Variants in RASEF observed in about 807,000 individuals in gnomAD.
RASEF encodes ras and EF-hand domain-containing protein.
In RASEF, 68 loss-of-function variants were observed where a neutral mutation model predicts 90.1. The observed-to-expected ratio is 0.75, with a 90% CI of 0.62 to 0.92. The LOEUF is 0.92. RASEF is among the 40% of genes least tolerant of loss of function. The pLI is 0.00. For missense variants in RASEF, 949 were observed against 937.2 expected (o/e 1.01, Z -0.16); for synonymous variants, 331 against 345.2 (o/e 0.96, Z 0.46).
the RASEF span, among the ~76,000 whole-genome samples, chr9:83,092,003 C>CTTTTTTTTTTTTTTTTTTTTTATTTT: frequency 2.8e-5 from 1 of 35,918 alleles, no homozygotes; most frequent in Non-Finnish European, 5.3e-5. Flanking sequence ...TCTTTTATTT[C>CTTTTTTTTTTTTTTTTTTTTTATTTT]TTTTTTTTTT....
the RASEF span, among the ~76,000 whole-genome samples, chr9:83,205,186 C>T: frequency 0.044 from 6,707 of 152,064 alleles, 466 homozygotes; most frequent in African/African-American, 0.15. Flanking sequence ...TTGCCTGAGG[C>T]CAAATACAGT....
the RASEF span, among the ~76,000 whole-genome samples, chr9:83,085,946 A>G: frequency 6.6e-6 from 1 of 152,132 alleles, no homozygotes; most frequent in South Asian, 2.1e-4. Context: ...AAAAATAAAA[A>G]TAAAAAAAGT....
rs143681342 is a variant in RASEF at position 83,009,902 on chromosome 9, A to G, written c.844-146T>C. ...TCAGTGTTCAAACAACTATTTGTCA[A>G]TTCAAGGTAATTTGAAATCAATATA... On this transcript the variant is annotated intron_variant, in intron 5 of 16. Transcript: ENST00000376447. 1,084 of 549,250 alleles carry G rather than the reference A, an allele frequency of 2.0e-3. 8 individuals carry two copies. Among genetic ancestry groups the G allele is most frequent in the African/African-American group, 0.018 (984 of 53,426 alleles). 34.0% of individuals were successfully genotyped at this position (549,250 alleles called of 1,614,324 possible).
the RASEF span, among the ~76,000 whole-genome samples, chr9:83,094,235 C>T: frequency 6.8e-6 from 1 of 146,726 alleles, no homozygotes; most frequent in East Asian, 1.9e-4. Flanking sequence ...GGATCTTGAT[C>T]ACTTGAAATA....
the RASEF span, among the ~76,000 whole-genome samples, chr9:83,164,999 A>G: frequency 6.6e-6 from 1 of 152,070 alleles, no homozygotes; most frequent in Non-Finnish European, 1.5e-5. Context: ...ATCAAAATAC[A>G]TAAGGCAAAA....
chr9:83,070,359 C>T, the RASEF span, among the ~76,000 whole-genome samples: 1 of 152,000 alleles, frequency 6.6e-6, no homozygotes, highest in African/African-American at 2.4e-5. Context: ...TCAGTTCTTC[C>T]AGTGTTATTT....
chr9:83,113,142 T>A, the RASEF span, among the ~76,000 whole-genome samples: 9 of 152,174 alleles, frequency 5.9e-5, no homozygotes, highest in African/African-American at 2.2e-4. Flanking sequence ...CAGAAGAACA[T>A]AAATTGTGAC....
rs1828630982 is a variant in RASEF at position 82,982,685 on chromosome 9, T to C, written c.2215A>G (p.Asn739Asp). 2.5e-6 allele frequency: 4 copies of C among 1,569,696 alleles called. No individual in the cohort carries two copies. The South Asian group carries it at 4.4e-5, about 17-fold the overall frequency. Reference protein sequence around the residue: ...KKSPQMKNCCNG With the variant: ...KKSPQMKNCCDG Reference sequence around the variant, plus strand: ...CCAAGGATGTTTGGGATTTAGCCATTGCAACAATTCTTCATCTGTGGTGAC... The same window carrying C: ...CCAAGGATGTTTGGGATTTAGCCATCGCAACAATTCTTCATCTGTGGTGAC... Residue 739 changes from asparagine to aspartate, a missense_variant, in exon 17 of 17, where the codon AAT becomes GAT. Physicochemically the swap from Asn to Asp is conservative, Grantham distance 23 (BLOSUM62 1). Transcript: ENST00000376447.
chr9:83,188,061 T>G, the RASEF span, among the ~76,000 whole-genome samples: 1 of 152,112 alleles, frequency 6.6e-6, no homozygotes, highest in Non-Finnish European at 1.5e-5. Flanking sequence ...AAGTACTCAA[T>G]AAATGCCCCT....
chr9:83,000,397 G>A, intron 11 of RASEF, 36 bp downstream of exon 11: 1 of 1,612,030 alleles, frequency 6.2e-7, no homozygotes, highest in Non-Finnish European at 8.5e-7. Context: ...AAAATAAGCA[G>A]TGTTCATGAA....
the RASEF span, among the ~76,000 whole-genome samples, chr9:83,101,084 A>G: frequency 6.6e-6 from 1 of 152,120 alleles, no homozygotes; most frequent in Non-Finnish European, 1.5e-5. Context: ...ATACTAGGAG[A>G]TTCTGTCCCC....
At chr9:82,991,367 C>A (rs755894478) in intron 15 of RASEF, among the ~76,000 whole-genome samples, 4 of 152,184 alleles carry the variant, frequency 2.6e-5, no homozygotes, top group Non-Finnish European at 4.4e-5. Context: ...TAGCACTCTG[C>A]GATCCTCATG....
chr9:83,030,842 C>T (rs952238648), intron 1 of RASEF, among the ~76,000 whole-genome samples: 1 of 152,190 alleles, frequency 6.6e-6, no homozygotes, highest in Non-Finnish European at 1.5e-5. Flanking sequence ...CATTTTCTTT[C>T]TTTTTTCTTT....
the RASEF span, among the ~76,000 whole-genome samples, chr9:83,078,623 C>G: frequency 6.6e-6 from 1 of 151,480 alleles, no homozygotes; most frequent in East Asian, 1.9e-4. Context: ...AAGATTGCAC[C>G]ACTGCACTTC....
chr9:83,139,801 C>G, the RASEF span, among the ~76,000 whole-genome samples: 1 of 152,156 alleles, frequency 6.6e-6, no homozygotes, highest in African/African-American at 2.4e-5. Flanking sequence ...AAAACAACTT[C>G]TCTCTGAATA....
the RASEF span, among the ~76,000 whole-genome samples, chr9:83,208,492 C>A: frequency 6.6e-6 from 1 of 152,224 alleles, no homozygotes; most frequent in Non-Finnish European, 1.5e-5. Context: ...ACCTTACTAT[C>A]TACATAGGTG....
intron 16 of RASEF, 131 bp from the exon 17 acceptor site, chr9:82,982,913 A>G: frequency 1.5e-6 from 1 of 646,902 alleles, no homozygotes; most frequent in Non-Finnish European, 2.8e-6. Context: ...GCACGGCCTT[A>G]TAGACATTGT....
chr9:83,158,930 T>C, the RASEF span, among the ~76,000 whole-genome samples: 2 of 151,980 alleles, frequency 1.3e-5, no homozygotes, highest in African/African-American at 2.4e-5. Context: ...CTCACGCCTG[T>C]AATCCCAGCA....
At chr9:83,022,449 C>G in intron 2 of RASEF, 23 bp from the exon 3 acceptor site, 1 of 1,542,370 alleles carries the variant, frequency 6.5e-7, no homozygotes, top group Non-Finnish European at 9.0e-7. Flanking sequence ...AGGATGCACA[C>G]CTTTTCATTA....
Sources: allele counts gnomAD v4.1 joint callset (sites outside exome capture counted in the v4.1 genomes callset), GRCh38; gene constraint gnomAD v4.1.1; transcripts MANE v1.5; gene names NCBI Gene and HGNC (gene_info 2026-07-23, HGNC 2026-07-21).